Variants in BCR observed in about 807,000 individuals in gnomAD.
BCR encodes breakpoint cluster region protein.
Under a neutral mutation model 138.6 loss-of-function variants are expected in BCR, and 58 were observed. The ratio of observed to expected loss-of-function variants is 0.42; its 90% CI spans 0.34 to 0.52. The LOEUF is 0.52. Among genes scored for constraint, BCR ranks in the 20% least tolerant of loss-of-function variants. The pLI, the probability that BCR is intolerant of heterozygous loss-of-function variation, is 0.06. For synonymous variants in BCR, 786 were observed against 730.1 expected (o/e 1.08, Z -1.23); for missense variants, 1,599 against 1,727.2 (o/e 0.93, Z 1.32).
chr22:23,202,705 GTAA>G (rs2072567261), intron 1 of BCR, among the ~76,000 whole-genome samples: 1 of 145,866 alleles, frequency 6.9e-6, no homozygotes, highest in Non-Finnish European at 1.5e-5. Flanking sequence ...TTAAGCTTGA[GTAA>G]TAATTCAATT....
rs187914625 is a variant in BCR at position 23,188,854 on chromosome 22, G to T, written c.1279+6615G>T. Reference sequence around the variant, plus strand: ...TTAGAAGTTTGTTATTTTTATTATTGTAAAATTCATGTTATATTTTTTATT... The same window carrying T: ...TTAGAAGTTTGTTATTTTTATTATTTTAAAATTCATGTTATATTTTTTATT... On this transcript the variant is annotated intron_variant, in intron 1 of 22. Coordinates refer to ENST00000305877, the MANE Select transcript of BCR (RefSeq NM_004327.4). Among the ~76,000 whole-genome samples, 300 of 151,454 alleles carry T rather than the reference G, an allele frequency of 2.0e-3. 2 individuals are homozygous for T. Among genetic ancestry groups the T allele is most frequent in the African/African-American group, 5.6e-3 (232 of 41,240 alleles).
rs574644806 is a variant in BCR, at chr22:23,213,703, G to A, written c.1279+31464G>A. Among the ~76,000 whole-genome samples the A allele has an allele frequency of 5.9e-5, 9 of 152,204 alleles. No homozygotes were observed. In the East Asian group the frequency reaches 9.7e-4, roughly 16 times the overall value. On this transcript the variant is annotated intron_variant, in intron 1 of 22. Coordinates refer to ENST00000305877, the MANE Select transcript of BCR (RefSeq NM_004327.4). Reference sequence around the variant, plus strand: ...TAATTGCTGGGGCGTGGTGGTGCATGCCTGTAGTCCTAGCTACTCAGGAGG... The same window carrying A: ...TAATTGCTGGGGCGTGGTGGTGCATACCTGTAGTCCTAGCTACTCAGGAGG...
At chr22:23,200,960 T>C (rs1162073225) in intron 1 of BCR, among the ~76,000 whole-genome samples, 1 of 152,208 alleles carries the variant, frequency 6.6e-6, no homozygotes, top group Admixed American at 6.5e-5. Context: ...GGCTGGTACA[T>C]TAGGAGCCCA....
chr22:23,183,283 C>T (rs928477560), intron 1 of BCR, among the ~76,000 whole-genome samples: 1 of 152,112 alleles, frequency 6.6e-6, no homozygotes, highest in Non-Finnish European at 1.5e-5. Flanking sequence ...AGTCCTGGTC[C>T]CTGTTAAGCT....
At position 23,181,897 on chromosome 22, in the gene BCR, C is replaced by T. The variant is rs778605010; in HGVS notation, c.937C>T (p.Arg313Cys). The T allele has an allele frequency of 1.2e-6, 2 of 1,613,424 alleles. No homozygotes were observed. Among genetic ancestry groups the T allele is most frequent in the Non-Finnish European group, 1.7e-6 (2 of 1,179,928 alleles). Residue 313 changes from arginine to cysteine, a missense_variant, in exon 1 of 23, where the codon CGC becomes TGC. Arg to Cys is a radical substitution (Grantham distance 180). Coordinates refer to ENST00000305877, the MANE Select transcript of BCR (RefSeq NM_004327.4). ...SEQEKRLTWPRRSYSPRSFED... is the reference protein window; with the variant it reads ...SEQEKRLTWPCRSYSPRSFED... ...GCAGGAGAAGCGCCTTACCTGGCCC[C>T]GCAGGTCCTACTCCCCCCGGAGTTT...
chr22:23,217,819 A>AG (rs561091149), intron 1 of BCR, among the ~76,000 whole-genome samples: 189 of 152,296 alleles, frequency 1.2e-3, no homozygotes, highest in African/African-American at 4.2e-3. Flanking sequence ...TGAGACCTGG[A>AG]GGGAGGGCAC....
intron 1 of BCR, among the ~76,000 whole-genome samples, chr22:23,183,620 G>A (rs2072299142): frequency 6.6e-6 from 1 of 152,242 alleles, no homozygotes; most frequent in South Asian, 2.1e-4. Flanking sequence ...GGGGTCTGGA[G>A]GATTGCCTTG....
At chr22:23,189,721 C>A (rs541885864) in intron 1 of BCR, among the ~76,000 whole-genome samples, 14 of 152,194 alleles carry the variant, frequency 9.2e-5, no homozygotes, top group African/African-American at 3.1e-4. Flanking sequence ...AGGCTGGTCT[C>A]AATCGTTTGA....
At chr22:23,227,265 A>G (rs2072905548) in intron 1 of BCR, among the ~76,000 whole-genome samples, 1 of 152,172 alleles carries the variant, frequency 6.6e-6, no homozygotes, top group Admixed American at 6.5e-5. Context: ...AGCAATAGAC[A>G]CTTTGTTATT....
intron 1 of BCR, among the ~76,000 whole-genome samples, chr22:23,202,400 C>A (rs1156726586): frequency 2.6e-5 from 4 of 152,188 alleles, no homozygotes; most frequent in Non-Finnish European, 5.9e-5. Context: ...AGCCGCACAG[C>A]TAAATGGTGT....
At chr22:23,253,241 C>G (rs773156139) in intron 1 of BCR, among the ~76,000 whole-genome samples, 10 of 152,212 alleles carry the variant, frequency 6.6e-5, no homozygotes, top group African/African-American at 2.4e-4. Flanking sequence ...GCTCTCCTAA[C>G]CCTGGCCTTT....
rs41277529 is a variant in BCR, at chr22:23,181,621, T to G, written c.661T>G (p.Ser221Ala). The G allele has an allele frequency of 1.9e-6, 3 of 1,611,692 alleles. No individual in the cohort carries two copies. Among genetic ancestry groups the G allele is most frequent in the Non-Finnish European group, 2.5e-6 (3 of 1,179,984 alleles). The stretch of plus-strand genomic sequence containing the variant: ...CAAAAAGTCCCAGCACGGCGCGGGC[T>G]CGAGCGTGGGGGATGCATCCAGGCC... ...ERKKSQHGAG[S>A]SVGDASRPPY... Residue 221 changes from serine (S) to alanine (A), a missense_variant, in exon 1 of 23, where the codon TCG becomes GCG. Coordinates refer to ENST00000305877, the MANE Select transcript of BCR (RefSeq NM_004327.4).
chr22:23,296,127 C>G (rs535937924), intron 16 of BCR, among the ~76,000 whole-genome samples: 7 of 151,894 alleles, frequency 4.6e-5, no homozygotes, highest in South Asian at 4.2e-4. Flanking sequence ...GTAATCCCAG[C>G]ACTTTGGGAG....
intron 1 of BCR, among the ~76,000 whole-genome samples, chr22:23,230,632 T>G (rs1460305356): frequency 6.6e-6 from 1 of 152,266 alleles, no homozygotes; most frequent in Non-Finnish European, 1.5e-5. Context: ...CAGACCCTTC[T>G]ATCAAATTCC....
At chr22:23,305,113 TAAAAAAA>T (rs131687) in intron 16 of BCR, among the ~76,000 whole-genome samples, 4 of 141,420 alleles carry the variant, frequency 2.8e-5, no homozygotes, top group African/African-American at 1.0e-4. Flanking sequence ...GACTCCGCCT[TAAAAAAA>T]AAAAAAAAAA....
At chr22:23,269,412 G>T (rs1481438063) in intron 5 of BCR, among the ~76,000 whole-genome samples, 2 of 152,232 alleles carry the variant, frequency 1.3e-5, no homozygotes, top group Non-Finnish European at 2.9e-5. Flanking sequence ...AGAACCGCAG[G>T]GTTAGAAAGA....
intron 1 of BCR, among the ~76,000 whole-genome samples, chr22:23,225,434 C>T (rs1249888618): frequency 2.6e-5 from 4 of 152,182 alleles, no homozygotes; most frequent in South Asian, 2.1e-4. Context: ...AAGGCGAGAC[C>T]GCTGGCTGGA....
In BCR at chr22:23,181,428, C is replaced by T. The variant is rs369883604; in HGVS notation, c.468C>T (p.Ser156=). The T allele has an allele frequency of 5.0e-5, 79 of 1,592,188 alleles. No homozygotes were observed. The highest frequency in any genetic ancestry group is 6.3e-5 in the Non-Finnish European group (74 of 1,166,958). ...GPPASVAALR[S]NFERIRKGHG... ...CCGCCAGCGTGGCGGCGCTCAGGTCCAACTTCGAGCGGATCCGCAAGGGCC... is the reference window on the plus strand; with the variant it reads ...CCGCCAGCGTGGCGGCGCTCAGGTCTAACTTCGAGCGGATCCGCAAGGGCC... The change falls in exon 1 of 23, where the codon TCC becomes TCT. Residue 156 remains serine, a synonymous_variant. Transcript: ENST00000305877.
At chr22:23,263,226 G>C (rs1393715787) in intron 4 of BCR, 10 of 995,956 alleles carry the variant, frequency 1.0e-5, no homozygotes, top group African/African-American at 4.9e-5. Context: ...GCGCCTGCCG[G>C]AAGTGCTGCT....
Sources: gnomAD v4.1 joint callset for allele counts (sites outside exome capture counted in the v4.1 genomes callset) on GRCh38, gnomAD v4.1.1 for gene constraint, MANE v1.5 for transcripts, NCBI Gene and HGNC (gene_info 2026-07-23, HGNC 2026-07-21) for gene names.